The following CDC42SE2 variants were observed in gnomAD, a reference collection of about 807,000 sequenced individuals.
CDC42SE2 encodes the protein CDC42 small effector 2, also known as CDC42 small effector protein 2.
CDC42SE2 carries 3 observed loss-of-function variants against 11.5 expected under a neutral mutation model. The ratio of observed to expected loss-of-function variants is 0.26; its 90% confidence interval spans 0.12 to 0.67. CDC42SE2 has a LOEUF of 0.67. Among genes scored for constraint, CDC42SE2 ranks in the 30% least tolerant of loss-of-function variants. The pLI is 0.80. For missense variants in CDC42SE2, 82 were observed against 106.8 expected (o/e 0.77, Z 1.02); for synonymous variants, 33 against 34.8 (o/e 0.95, Z 0.18).
chr5:131,342,973 A>G, intron 2 of CDC42SE2, among the ~76,000 whole-genome samples: 1 of 152,194 alleles, frequency 6.6e-6, no homozygotes, highest in Non-Finnish European at 1.5e-5. Context: ...TCAGCTTTCC[A>G]ATGTGTATAT....
intron 3 of CDC42SE2, among the ~76,000 whole-genome samples, chr5:131,370,922 C>A (rs2149779750): frequency 6.6e-6 from 1 of 151,986 alleles, no homozygotes; most frequent in South Asian, 2.1e-4. Context: ...TCTCACGTGG[C>A]CTTGATGTAT....
intron 2 of CDC42SE2, among the ~76,000 whole-genome samples, chr5:131,355,683 A>G (rs1004129803): frequency 6.6e-6 from 1 of 151,914 alleles, no homozygotes; most frequent in Non-Finnish European, 1.5e-5. Context: ...ACCTGAACTG[A>G]GTTAAGATAT....
chr5:131,278,228 C>A (rs1328590469), intron 1 of CDC42SE2, among the ~76,000 whole-genome samples: 1 of 152,140 alleles, frequency 6.6e-6, no homozygotes, highest in African/African-American at 2.4e-5. Context: ...TTTGGGAGAT[C>A]CCGCCTGGGC....
At chr5:131,292,362 G>A (rs1030846180) in intron 1 of CDC42SE2, among the ~76,000 whole-genome samples, 10 of 142,602 alleles carry the variant, frequency 7.0e-5, no homozygotes, top group African/African-American at 2.6e-4. Flanking sequence ...GAAGTCAGGA[G>A]TTAGAGACTA....
chr5:131,302,124 A>C (rs1757695798), intron 1 of CDC42SE2, among the ~76,000 whole-genome samples: 2 of 151,744 alleles, frequency 1.3e-5, no homozygotes, highest in Non-Finnish European at 2.9e-5. Context: ...CTCCTGCCTC[A>C]GCCTCCTAAG....
intron 1 of CDC42SE2, among the ~76,000 whole-genome samples, chr5:131,251,763 C>T (rs955812557): frequency 2.0e-5 from 3 of 152,014 alleles, no homozygotes; most frequent in Admixed American, 6.6e-5. Context: ...CCTGTAATTG[C>T]GGAATTTTGG....
chr5:131,361,760 C>G (rs1280874128), intron 3 of CDC42SE2, among the ~76,000 whole-genome samples: 1 of 152,120 alleles, frequency 6.6e-6, no homozygotes. Context: ...TGGTTTTCCC[C>G]TGGAGTTGGG....
At chr5:131,363,150 A>T (rs1749759303) in intron 3 of CDC42SE2, among the ~76,000 whole-genome samples, 1 of 152,156 alleles carries the variant, frequency 6.6e-6, no homozygotes, top group Admixed American at 6.5e-5. Context: ...CTAAAAAAAA[A>T]AAAAGATTTA....
the CDC42SE2 span, among the ~76,000 whole-genome samples, chr5:131,215,416 G>C: frequency 5.9e-5 from 9 of 152,336 alleles, no homozygotes; most frequent in South Asian, 2.1e-4. Flanking sequence ...GTAGACCTAC[G>C]TGTTGGAGCT....
intron 2 of CDC42SE2, among the ~76,000 whole-genome samples, chr5:131,348,797 T>A (rs562386463): frequency 6.6e-6 from 1 of 152,176 alleles, no homozygotes; most frequent in East Asian, 1.9e-4. Flanking sequence ...AACAAAGATA[T>A]AGACCAATGG....
At chr5:131,302,365 A>G (rs1296242109) in intron 1 of CDC42SE2, among the ~76,000 whole-genome samples, 1 of 151,988 alleles carries the variant, frequency 6.6e-6, no homozygotes, top group African/African-American at 2.4e-5. Context: ...TTTTAGTAGA[A>G]ACAGGGTTTC....
chr5:131,252,785 C>G (rs1756651872), intron 1 of CDC42SE2, among the ~76,000 whole-genome samples: 2 of 152,288 alleles, frequency 1.3e-5, no homozygotes, highest in Admixed American at 6.5e-5. Flanking sequence ...AAGGCATCAG[C>G]CTCTCATATC....
intron 4 of CDC42SE2, among the ~76,000 whole-genome samples, chr5:131,389,033 G>A (rs769401484): frequency 1.1e-3 from 161 of 151,918 alleles, no homozygotes; most frequent in African/African-American, 2.5e-3. Flanking sequence ...ATGGGGTTTC[G>A]CTATGTTTTC....
At chr5:131,353,615 G>A (rs1749434232) in intron 2 of CDC42SE2, among the ~76,000 whole-genome samples, 2 of 152,014 alleles carry the variant, frequency 1.3e-5, no homozygotes, top group African/African-American at 2.4e-5. Context: ...TTAAATTTTT[G>A]TCATTTAAGG....
intron 1 of CDC42SE2, among the ~76,000 whole-genome samples, chr5:131,315,458 A>G (rs1480495820): frequency 1.3e-5 from 2 of 152,206 alleles, no homozygotes; most frequent in Admixed American, 6.5e-5. Flanking sequence ...GGGTACAGAC[A>G]AGTAATTGTG....
chr5:131,243,225 T>C (rs937421497), upstream of CDC42SE2, among the ~76,000 whole-genome samples: 4 of 152,218 alleles, frequency 2.6e-5, no homozygotes, highest in Non-Finnish European at 5.9e-5. Context: ...GTATGCAATA[T>C]GTGCAGTTGC....
chr5:131,349,145 C>G (rs1370492323), intron 2 of CDC42SE2, among the ~76,000 whole-genome samples: 2 of 152,098 alleles, frequency 1.3e-5, no homozygotes, highest in African/African-American at 4.8e-5. Context: ...CAAATGGGAT[C>G]TAATCTAACT....
chr5:131,288,398 C>T (rs1466888131), intron 1 of CDC42SE2, among the ~76,000 whole-genome samples: 2 of 152,106 alleles, frequency 1.3e-5, no homozygotes, highest in Non-Finnish European at 2.9e-5. Context: ...ATATTTCTAC[C>T]TCCCAAGTTT....
intron 1 of CDC42SE2, among the ~76,000 whole-genome samples, chr5:131,280,825 C>G (rs566004626): frequency 6.6e-5 from 10 of 152,216 alleles, no homozygotes; most frequent in African/African-American, 2.4e-4. Flanking sequence ...AGGCCTTCAT[C>G]TATCTGTAGT....
Sources: gnomAD v4.1 joint callset for allele counts (sites outside exome capture counted in the v4.1 genomes callset) on GRCh38, gnomAD v4.1.1 for gene constraint, MANE v1.5 for transcripts, NCBI Gene and HGNC (gene_info 2026-07-23, HGNC 2026-07-21) for gene names.